Variants in ANKRD11 observed in about 807,000 individuals in gnomAD.
ANKRD11 encodes ankyrin repeat domain-containing protein 11.
ANKRD11 carries 17 observed loss-of-function variants against 195.7 expected under a neutral mutation model. The ratio of observed to expected loss-of-function variants is 0.09; its 90% CI spans 0.06 to 0.13. ANKRD11 has a LOEUF of 0.13. Among genes scored for constraint, ANKRD11 ranks in the 10% least tolerant of loss-of-function variants. ANKRD11 has a pLI of 1.00. For missense variants in ANKRD11, 3,735 were observed against 3,566.1 expected, an observed-to-expected ratio of 1.05 and a Z score of -1.21; for synonymous variants, 1,953 against 1,528.1, an observed-to-expected ratio of 1.28 and a Z score of -6.49.
intron 2 of ANKRD11, among the ~76,000 whole-genome samples, chr16:89,414,379 G>A (rs919591578): frequency 5.9e-5 from 9 of 152,124 alleles, no homozygotes; most frequent in Non-Finnish European, 1.2e-4. Context: ...TGTCACTCAC[G>A]GCCACACTCA....
chr16:89,325,469 T>TCACACA lies in ANKRD11; in HGVS notation c.-59-8397_-59-8392dup, dbSNP rs59319003. Among the ~76,000 whole-genome samples, 560 of 147,734 alleles carry TCACACA rather than the reference T, an allele frequency of 3.8e-3. 3 individuals carry two copies. Among genetic ancestry groups the TCACACA allele is most frequent in the African/African-American group, 0.014 (527 of 38,772 alleles). ...CCTCTCCTCTCTCTCTCTCTCTCTC[T>TCACACA]CACACACACACACACACACACACAC... On this transcript the variant is annotated intron_variant, in intron 2 of 12. Transcript: ENST00000301030.
intron 1 of ANKRD11, among the ~76,000 whole-genome samples, chr16:89,454,571 C>T (rs1331969943): frequency 6.6e-6 from 1 of 152,186 alleles, no homozygotes; most frequent in Admixed American, 6.5e-5. Flanking sequence ...AGGCCAGACT[C>T]TCAGCAGCTA....
intron 3 of ANKRD11, among the ~76,000 whole-genome samples, chr16:89,306,734 T>C (rs1332473803): frequency 2.7e-4 from 3 of 11,142 alleles, no homozygotes; most frequent in African/African-American, 2.3e-3. Context: ...GCCACCCACC[T>C]CCCACTCCGC....
chr16:89,270,535 C>A, intron 12 of ANKRD11: 1 of 487,156 alleles, frequency 2.1e-6, no homozygotes, highest in Non-Finnish European at 3.8e-6. Flanking sequence ...AGGGCAGTCC[C>A]AGGAGTTCTG....
intron 2 of ANKRD11, chr16:89,392,445 T>TAAACGATGGAAATAAGAA (rs2041239964): frequency 1.3e-5 from 2 of 152,098 alleles, no homozygotes; most frequent in Admixed American, 6.5e-5. Context: ...CTACAATGGG[T>TAAACGATGGAAATAAGAA]AAACGATGGA....
chr16:89,281,616 C>T lies in ANKRD11; in HGVS notation c.4926G>A (p.Pro1642=), dbSNP rs763867641. The change falls in exon 9 of 13, where the codon CCG becomes CCA. Residue 1642 remains proline, a synonymous_variant. Transcript: ENST00000301030. The surrounding 1 kb of genome is among the most constrained non-coding windows in gnomAD (Gnocchi z 5.5). ...CTTTAAATGGAGGGTCCAGCCCCGGCGGTTTCTTAGCAGGAATGTCCAGAC... is the reference window on the plus strand; with the variant it reads ...CTTTAAATGGAGGGTCCAGCCCCGGTGGTTTCTTAGCAGGAATGTCCAGAC... The part of the protein sequence containing the change: ...KKGLDIPAKK[P]PGLDPPFKDK... The T allele has an allele frequency of 2.5e-6, 4 of 1,614,082 alleles. No individual in the cohort carries two copies. Among genetic ancestry groups the T allele is most frequent in the Non-Finnish European group, 1.7e-6 (2 of 1,180,040 alleles).
At position 89,290,646 on chromosome 16, in the gene ANKRD11, C is replaced by T. The variant is rs374133199; in HGVS notation, c.580G>A (p.Val194Ile). 1.9e-5 allele frequency: 31 copies of T among 1,613,304 alleles called. No individual in the cohort carries two copies. The highest frequency in any genetic ancestry group is 2.3e-5 in the Non-Finnish European group (27 of 1,180,014). The change falls in exon 6 of 13, where the codon GTC (valine) becomes ATC (isoleucine). Residue 194 changes from valine to isoleucine, a missense_variant. Coordinates refer to ENST00000301030, the MANE Select transcript of ANKRD11 (RefSeq NM_013275.6). ...CCACCTGCGAAGTCCTTGACGTTGACGTCTGCCCCCTCGCTGATGAGCTCT... is the reference window on the plus strand; with the variant it reads ...CCACCTGCGAAGTCCTTGACGTTGATGTCTGCCCCCTCGCTGATGAGCTCT... ...IKELISEGAD[V>I]NVKDFAGWTA...
At chr16:89,312,383 GC>G (rs2036655310) in intron 3 of ANKRD11, among the ~76,000 whole-genome samples, 2 of 152,228 alleles carry the variant, frequency 1.3e-5, no homozygotes, top group Admixed American at 6.5e-5. Context: ...GAGGAATCAC[GC>G]AGGGGAGGGG....
At chr16:89,310,010 T>C (rs2151894604) in intron 3 of ANKRD11, among the ~76,000 whole-genome samples, 1 of 152,266 alleles carries the variant, frequency 6.6e-6, no homozygotes, top group African/African-American at 2.4e-5. Context: ...CTTCCACTCA[T>C]GGGAAGCACA....
intron 1 of ANKRD11, among the ~76,000 whole-genome samples, chr16:89,466,459 G>A (rs893292768): frequency 1.3e-5 from 2 of 152,108 alleles, no homozygotes; most frequent in Admixed American, 1.3e-4. Flanking sequence ...TCACTAAACT[G>A]TGAGCTGTAA....
At chr16:89,366,491 T>G (rs2039956482) in intron 2 of ANKRD11, among the ~76,000 whole-genome samples, 2 of 152,324 alleles carry the variant, frequency 1.3e-5, no homozygotes, top group Non-Finnish European at 1.5e-5. Flanking sequence ...CCAGCATCTG[T>G]TATTTTTTAA....
chr16:89,293,524 G>T (rs2035206539), intron 4 of ANKRD11, among the ~76,000 whole-genome samples: 1 of 149,998 alleles, frequency 6.7e-6, no homozygotes, highest in Non-Finnish European at 1.5e-5. Flanking sequence ...CGAGGAGGCG[G>T]GGTGGTGTTG....
At chr16:89,338,281 T>C (rs888117614) in intron 2 of ANKRD11, among the ~76,000 whole-genome samples, 3 of 152,172 alleles carry the variant, frequency 2.0e-5, no homozygotes, top group African/African-American at 7.2e-5. Flanking sequence ...CTCCAGGATG[T>C]GGGTCTCTGT....
At chr16:89,476,626 T>C (rs1035913662) in intron 1 of ANKRD11, among the ~76,000 whole-genome samples, 1 of 152,172 alleles carries the variant, frequency 6.6e-6, no homozygotes. Flanking sequence ...TTACAGACAC[T>C]GAGACCTCAA....
In ANKRD11 at chr16:89,283,650, G is replaced by T. The variant is rs754173208; in HGVS notation, c.2892C>A (p.Gly964=). 1.9e-6 allele frequency: 3 copies of T among 1,611,230 alleles called. No homozygotes were observed. The highest frequency in any genetic ancestry group is 2.5e-6 in the Non-Finnish European group (3 of 1,179,876). Residue 964 remains glycine (G), a synonymous_variant, in exon 9 of 13, where the codon GGC becomes GGA. Coordinates refer to ENST00000301030, the MANE Select transcript of ANKRD11 (RefSeq NM_013275.6). This position sits in a 1 kb window ranked among gnomAD's most constrained non-coding sequence, Gnocchi z 4.3. The part of the protein sequence containing the change: ...ALESCKERRD[G]RAKPEEAHRE... ...GGTGCGCCTCCTCGGGCTTGGCCCT[G>T]CCGTCCCTGCGCTCCTTGCAGCTCT...
intron 1 of ANKRD11, among the ~76,000 whole-genome samples, chr16:89,448,270 AAAT>A (rs1335685305): frequency 3.9e-5 from 6 of 152,226 alleles, no homozygotes; most frequent in Non-Finnish European, 7.3e-5. Context: ...ATATATGTGC[AAAT>A]TATTTCCATG....
At chr16:89,452,779 CAAAA>C (rs11401095) in intron 1 of ANKRD11, among the ~76,000 whole-genome samples, 2 of 73,512 alleles carry the variant, frequency 2.7e-5, no homozygotes, top group Non-Finnish European at 2.5e-5. Flanking sequence ...GACTCTATCT[CAAAA>C]AAAAAAAAAA....
At chr16:89,386,419 G>C (rs781137729) in intron 2 of ANKRD11, among the ~76,000 whole-genome samples, 1 of 152,102 alleles carries the variant, frequency 6.6e-6, no homozygotes, top group Non-Finnish European at 1.5e-5. Context: ...CCAAGGAGAC[G>C]CCAGAAACCC....
At chr16:89,345,162 A>G (rs999050458) in intron 2 of ANKRD11, among the ~76,000 whole-genome samples, 3 of 152,202 alleles carry the variant, frequency 2.0e-5, no homozygotes, top group African/African-American at 7.2e-5. Flanking sequence ...CAAACTCCCA[A>G]CATAACCACA....
Sources: gnomAD v4.1 joint callset for allele counts (sites outside exome capture counted in the v4.1 genomes callset) on GRCh38, gnomAD v4.1.1 for gene constraint, Gnocchi (gnomAD v3.1) non-coding constraint, MANE v1.5 for transcripts, NCBI Gene and HGNC (gene_info 2026-07-23, HGNC 2026-07-21) for gene names.